The following XRCC4 variants were observed in gnomAD, a reference collection of about 807,000 sequenced individuals.
XRCC4 encodes the protein X-ray repair cross complementing 4, also known as DNA repair protein XRCC4.
Under a neutral mutation model 39.1 loss-of-function variants are expected in XRCC4, and 28 were observed. The ratio of observed to expected loss-of-function variants is 0.72; its 90% CI spans 0.53 to 0.98. The LOEUF is 0.98. Ranked by LOEUF, XRCC4 falls within the 50% of genes least tolerant of loss-of-function variation. The probability of loss-of-function intolerance (pLI) is 0.00; values close to 1 mark genes in which losing one functional copy is unlikely to be tolerated. For synonymous variants in XRCC4, 123 were observed against 126.4 expected (o/e 0.97, Z 0.18); for missense variants, 350 against 376.4 (o/e 0.93, Z 0.58).
chr5:83,092,130 GTATC>G (rs1480200343), intron 1 of XRCC4, among the ~76,000 whole-genome samples: 6 of 152,150 alleles, frequency 3.9e-5, no homozygotes, highest in African/African-American at 1.2e-4. Context: ...GTTTTTTCAA[GTATC>G]TATCAGTTAT....
chr5:83,115,166 C>T (rs532474298), intron 3 of XRCC4, among the ~76,000 whole-genome samples: 9 of 152,064 alleles, frequency 5.9e-5, no homozygotes, highest in South Asian at 2.1e-4. Context: ...AGATTTAGGC[C>T]GGGTGCCTCC....
chr5:83,293,372 T>A (rs1754989429), intron 7 of XRCC4, among the ~76,000 whole-genome samples: 1 of 152,050 alleles, frequency 6.6e-6, no homozygotes. Flanking sequence ...GTTACTCACA[T>A]ATATCTGTCA....
At chr5:83,104,804 T>C in intron 1 of XRCC4, 106 bp from the exon 2 acceptor site, 1 of 1,039,754 alleles carries the variant, frequency 9.6e-7, no homozygotes, top group South Asian at 1.6e-5. Flanking sequence ...TTGTTTTGCT[T>C]ATTTTCTTAT....
intron 1 of XRCC4, among the ~76,000 whole-genome samples, chr5:83,078,224 C>T (rs1744760475): frequency 6.6e-6 from 1 of 152,146 alleles, no homozygotes; most frequent in Non-Finnish European, 1.5e-5. Flanking sequence ...TTAATTATCC[C>T]ATTAGGTGAG....
intron 1 of XRCC4, among the ~76,000 whole-genome samples, chr5:83,080,858 TTAA>T (rs1394467494): frequency 6.6e-6 from 1 of 152,218 alleles, no homozygotes; most frequent in Admixed American, 6.5e-5. Flanking sequence ...AGTTCTCCAC[TTAA>T]TAAGGAAGAA....
chr5:83,320,368 AAATAAAAAAAT>A lies in XRCC4; in HGVS notation c.894-32749_894-32739del, dbSNP rs1474844220. Among the ~76,000 whole-genome samples the A allele has an allele frequency of 1.7e-3, 261 of 149,516 alleles. 2 individuals carry two copies. The highest frequency in any genetic ancestry group is 6.2e-3 in the African/African-American group (251 of 40,750). On this transcript the variant is annotated intron_variant, in intron 7 of 7. Transcript: ENST00000396027. Reference sequence around the variant, plus strand: ...AACTTAAAGTATAATAAAAAATAAAAAATAAAAAAATAATAAAAAAATAAAAAAAAAAAGAA... The same window carrying A: ...AACTTAAAGTATAATAAAAAATAAAAAATAAAAAAATAAAAAAAAAAAGAA...
At chr5:83,330,411 A>G (rs764733770) in intron 7 of XRCC4, among the ~76,000 whole-genome samples, 2 of 152,062 alleles carry the variant, frequency 1.3e-5, no homozygotes, top group Non-Finnish European at 2.9e-5. Flanking sequence ...GATGAATCAT[A>G]GTTTCTTAAT....
intron 1 of XRCC4, among the ~76,000 whole-genome samples, chr5:83,103,923 G>C (rs1746073319): frequency 6.6e-6 from 1 of 152,196 alleles, no homozygotes; most frequent in Non-Finnish European, 1.5e-5. Flanking sequence ...GGGAGTGTGA[G>C]AATGAATTTT....
rs535736110 is a variant in XRCC4 at position 83,121,077 on chromosome 5, G to A, written c.315+9874G>A. Among the ~76,000 whole-genome samples the A allele has an allele frequency of 2.4e-4, 37 of 152,028 alleles. 1 individual carries two copies. The highest frequency in any genetic ancestry group is 2.2e-4 in the African/African-American group (9 of 41,386). On this transcript the variant is annotated intron_variant, in intron 3 of 7. Transcript: ENST00000396027. The stretch of plus-strand genomic sequence containing the variant: ...TTCGGTCTGGTTTCTTTTATTCAGC[G>A]TAATTGTTTTGCGATTCCTCCATGT...
chr5:83,351,055 G>A (rs1388812984), intron 7 of XRCC4, among the ~76,000 whole-genome samples: 1 of 152,120 alleles, frequency 6.6e-6, no homozygotes, highest in Non-Finnish European at 1.5e-5. Context: ...ATTGGATCCT[G>A]GAGACAGATT....
chr5:83,260,862 T>C (rs1170613967), intron 7 of XRCC4, among the ~76,000 whole-genome samples: 1 of 152,038 alleles, frequency 6.6e-6, no homozygotes. Context: ...AATTATATCA[T>C]TGTAGGCCCT....
chr5:83,193,973 G>A (rs1489714915), intron 3 of XRCC4, among the ~76,000 whole-genome samples: 2 of 151,618 alleles, frequency 1.3e-5, no homozygotes, highest in African/African-American at 4.9e-5. Flanking sequence ...TCGCTGTATC[G>A]CCCAGGCTGG....
At chr5:83,275,930 T>A (rs1365175203) in intron 7 of XRCC4, among the ~76,000 whole-genome samples, 1 of 152,236 alleles carries the variant, frequency 6.6e-6, no homozygotes, top group Non-Finnish European at 1.5e-5. Context: ...ATAACTATTT[T>A]GTTGATTATA....
At chr5:83,170,276 A>G (rs1329287043) in intron 3 of XRCC4, among the ~76,000 whole-genome samples, 1 of 152,146 alleles carries the variant, frequency 6.6e-6, no homozygotes, top group Admixed American at 6.6e-5. Context: ...CTCCTTTACT[A>G]TGTAATTTAA....
intron 3 of XRCC4, among the ~76,000 whole-genome samples, chr5:83,179,630 A>G (rs1750120169): frequency 6.6e-6 from 1 of 151,964 alleles, no homozygotes; most frequent in African/African-American, 2.4e-5. Context: ...CTCTGTGAGA[A>G]CCCACCAGCA....
intron 6 of XRCC4, among the ~76,000 whole-genome samples, chr5:83,253,519 T>A (rs1661434329): frequency 6.6e-6 from 1 of 151,916 alleles, no homozygotes; most frequent in African/African-American, 2.4e-5. Flanking sequence ...TGTGTGTATA[T>A]GTATTTGAGG....
rs376102534 is a variant in XRCC4, at chr5:83,353,257, A to G, written c.*15A>G. The G allele has an allele frequency of 1.6e-5, 25 of 1,551,950 alleles. No individual in the cohort carries two copies. The highest frequency in any genetic ancestry group is 2.1e-5 in the Non-Finnish European group (24 of 1,139,832). On this transcript the variant is annotated 3_prime_UTR_variant, in exon 8 of 8. Transcript: ENST00000396027. ...ATGAGATTTAACAGTCTCAAAAAAT[A>G]CTTTGATGTTCACTAGACTATGTTT...
At chr5:83,290,679 G>A (rs184580935) in intron 7 of XRCC4, among the ~76,000 whole-genome samples, 20 of 151,878 alleles carry the variant, frequency 1.3e-4, no homozygotes, top group Admixed American at 4.6e-4. Context: ...GCAGCAATTT[G>A]GAGAGTTTAG....
rs144901422 is a variant in XRCC4 at position 83,145,338 on chromosome 5, A to G, written c.315+34135A>G. ...TGTGTTATTTCTCTACTTGTTGACA[A>G]CTTTTAGATTTAATACTGAACATTG... On this transcript the variant is annotated intron_variant, in intron 3 of 7. Coordinates refer to ENST00000396027, the MANE Select transcript of XRCC4 (RefSeq NM_003401.5). Among the ~76,000 whole-genome samples, 1,506 of 152,294 alleles carry G rather than the reference A, an allele frequency of 9.9e-3. 22 individuals carry two copies. The highest frequency in any genetic ancestry group is 0.034 in the African/African-American group (1,406 of 41,560).
Sources: gnomAD v4.1 joint callset for allele counts (sites outside exome capture counted in the v4.1 genomes callset) on GRCh38, gnomAD v4.1.1 for gene constraint, MANE v1.5 for transcripts, NCBI Gene and HGNC (gene_info 2026-07-23, HGNC 2026-07-21) for gene names.